Variants in PRDX6 observed in about 807,000 individuals in gnomAD.
PRDX6 encodes peroxiredoxin 6.
A neutral mutation model predicts 20.0 loss-of-function variants in PRDX6; 13 were observed. The observed-to-expected ratio is 0.65, with a 90% CI of 0.42 to 1.03. The LOEUF (loss-of-function observed/expected upper bound fraction) is 1.03. Ranked by LOEUF, PRDX6 falls within the 50% of genes least tolerant of loss-of-function variation. The pLI is 0.00. For synonymous variants in PRDX6, 85 were observed against 100.8 expected, an observed-to-expected ratio of 0.84 and a Z score of 0.94; for missense variants, 203 against 276.9, an observed-to-expected ratio of 0.73 and a Z score of 1.89.
intron 1 of PRDX6, among the ~76,000 whole-genome samples, chr1:173,477,886 C>T (rs191057822): frequency 8.1e-4 from 123 of 152,314 alleles, no homozygotes; most frequent in Admixed American, 2.0e-3. Context: ...CGTGGTCAGG[C>T]CGAGGGCGCA....
At chr1:173,485,727 T>A (rs1658885262) in intron 3 of PRDX6, among the ~76,000 whole-genome samples, 1 of 152,234 alleles carries the variant, frequency 6.6e-6, no homozygotes, top group East Asian at 1.9e-4. Flanking sequence ...AAAAAAAAGT[T>A]GTTTATCCTA....
chr1:173,481,271 G>A, intron 1 of PRDX6, 55 bp from the exon 2 acceptor site: 1 of 1,507,494 alleles, frequency 6.6e-7, no homozygotes, highest in South Asian at 1.2e-5. Context: ...TTCATTCTCT[G>A]TGATGTTGGT....
At chr1:173,479,078 G>C (rs1017039223) in intron 1 of PRDX6, among the ~76,000 whole-genome samples, 14 of 152,102 alleles carry the variant, frequency 9.2e-5, no homozygotes, top group Non-Finnish European at 1.9e-4. Flanking sequence ...CTCTTAGCTT[G>C]TATAGATTAA....
intron 1 of PRDX6, among the ~76,000 whole-genome samples, chr1:173,478,789 C>G (rs1658752217): frequency 6.6e-6 from 1 of 152,128 alleles, no homozygotes; most frequent in African/African-American, 2.4e-5. Flanking sequence ...CCTATCCAAC[C>G]CTTTATAACC....
chr1:173,479,671 T>G (rs1658769874), intron 1 of PRDX6, among the ~76,000 whole-genome samples: 1 of 152,150 alleles, frequency 6.6e-6, no homozygotes, highest in South Asian at 2.1e-4. Context: ...CTTTTGTCTT[T>G]TGAAAATGGG....
intron 2 of PRDX6, among the ~76,000 whole-genome samples, chr1:173,484,138 T>TA (rs1269688818): frequency 0.12 from 10,705 of 86,466 alleles, 1,634 homozygotes; most frequent in East Asian, 0.39. Context: ...AAAAAAAAAA[T>TA]TAGATATATA....
chr1:173,484,139 TAG>T (rs1658854020), intron 2 of PRDX6, among the ~76,000 whole-genome samples: 3 of 61,840 alleles, frequency 4.9e-5, no homozygotes, highest in African/African-American at 3.1e-4. Context: ...AAAAAAAAAT[TAG>T]ATATATATAT....
chr1:173,477,484 G>A lies in PRDX6; in HGVS notation c.87G>A (p.Leu29=), dbSNP rs1268601009. The change falls in exon 1 of 5, where the codon CTG becomes CTA. Residue 29 remains leucine (L), a synonymous_variant. Transcript: ENST00000340385. Reference sequence around the variant, plus strand: ...GCCGCATCCGTTTCCACGACTTTCTGGGAGACTCGTAAGTGGCCACCGCGT... The same window carrying A: ...GCCGCATCCGTTTCCACGACTTTCTAGGAGACTCGTAAGTGGCCACCGCGT... ...TVGRIRFHDF[L]GDSWGILFSH... 6.2e-7 allele frequency: 1 copy of A among 1,602,920 alleles called. No homozygotes were observed.
chr1:173,485,639 C>A, intron 3 of PRDX6, 132 bp downstream of exon 3: 2 of 833,056 alleles, frequency 2.4e-6, no homozygotes, highest in East Asian at 3.0e-5. Flanking sequence ...GCGACAATAT[C>A]ACTGATTATC....
intron 2 of PRDX6, among the ~76,000 whole-genome samples, chr1:173,482,697 G>C (rs376917344): frequency 6.6e-6 from 1 of 152,108 alleles, no homozygotes; most frequent in East Asian, 1.9e-4. Context: ...GTGAGTTAGG[G>C]GTCTGTGGCT....
At chr1:173,487,537 T>C (rs1181520976) in intron 4 of PRDX6, among the ~76,000 whole-genome samples, 198 bp from the exon 5 acceptor site, 1 of 152,190 alleles carries the variant, frequency 6.6e-6, no homozygotes, top group African/African-American at 2.4e-5. Flanking sequence ...GGACTGTTTC[T>C]TGTTAAGATG....
rs1364897946 is a variant in PRDX6 at position 173,483,264 on chromosome 1, A to G, written c.252+1782A>G. On this transcript the variant is annotated intron_variant, in intron 2 of 4. Coordinates refer to ENST00000340385, the MANE Select transcript of PRDX6 (RefSeq NM_004905.3). The stretch of plus-strand genomic sequence containing the variant: ...AGAATTGTGATTACATTGAATAGGA[A>G]AAAAGTCTGAACTATCAGAAGCAGT... 2.0e-5 allele frequency among the ~76,000 whole-genome samples: 3 copies of G among 152,232 alleles called. No homozygotes were observed. In the East Asian group the frequency reaches 5.8e-4, roughly 29 times the overall value.
rs143868478 is a variant in PRDX6, at chr1:173,484,261, A to G, written c.253-1100A>G. On this transcript the variant is annotated intron_variant, in intron 2 of 4. Transcript: ENST00000340385. ...TATATATATGTGTGTGTGCATATAT[A>G]TATATAGTTCCTGATTCCTAGAATG... 8.8e-3 allele frequency among the ~76,000 whole-genome samples: 1,314 copies of G among 150,070 alleles called. 19 individuals carry two copies. The highest frequency in any genetic ancestry group is 0.03 in the African/African-American group (1,207 of 40,824).
rs1202130539 is a variant in PRDX6, at chr1:173,484,046, T to G, written c.253-1315T>G. ...TGAACCTGGGAGGCGGAGGTTGCAG[T>G]GAGCCAAGGTTGCGGTGAGCCAAGT... On this transcript the variant is annotated intron_variant, in intron 2 of 4. Transcript: ENST00000340385. Among the ~76,000 whole-genome samples the G allele has an allele frequency of 2.1e-5, 3 of 145,210 alleles. No homozygotes were observed. In the South Asian group the frequency reaches 6.5e-4, roughly 31 times the overall value.
chr1:173,480,150 TA>T (rs999758761), intron 1 of PRDX6, among the ~76,000 whole-genome samples: 9 of 151,548 alleles, frequency 5.9e-5, no homozygotes, highest in Admixed American at 6.6e-5. Flanking sequence ...TCCACAATCT[TA>T]AAAAAAAATA....
At position 173,481,202 on chromosome 1, in the gene PRDX6, A is replaced by G; in HGVS notation, c.96-124A>G. On this transcript the variant is annotated intron_variant, in intron 1 of 4. Transcript: ENST00000340385. Reference sequence around the variant, plus strand: ...TCAACAGAAAAGCTTAAAAGTAAATATCATCATAAGCATTCATTTAAAAAA... The same window carrying G: ...TCAACAGAAAAGCTTAAAAGTAAATGTCATCATAAGCATTCATTTAAAAAA... 3.1e-6 allele frequency: 3 copies of G among 963,364 alleles called. 1 individual carries two copies. In the South Asian group the frequency reaches 5.0e-5, roughly 16 times the overall value. The allele number at this position is 963,364 out of a possible 1,614,324, so 59.7% of individuals were successfully genotyped here.
At chr1:173,482,326 C>T (rs1219131492) in intron 2 of PRDX6, among the ~76,000 whole-genome samples, 1 of 152,172 alleles carries the variant, frequency 6.6e-6, no homozygotes, top group Non-Finnish European at 1.5e-5. Flanking sequence ...TTTTCACGTT[C>T]ACCATCCCCT....
chr1:173,488,048 A>T lies in PRDX6; in HGVS notation c.*185A>T. ...GAGATTCTTTATACTCTCTGCCTTC[A>T]GCAATCAATTCCATTCATACATCAG... On this transcript the variant is annotated 3_prime_UTR_variant, in exon 5 of 5. Transcript: ENST00000340385. 1 of 636,620 alleles carries T rather than the reference A, an allele frequency of 1.6e-6. No homozygotes were observed. The highest frequency in any genetic ancestry group is 2.6e-6 in the Non-Finnish European group (1 of 379,260). The allele number at this position is 636,620 out of a possible 1,614,324, so 39.4% of individuals were successfully genotyped here.
intron 4 of PRDX6, 111 bp from the exon 5 acceptor site, chr1:173,487,624 C>T (rs535609624): frequency 1.2e-3 from 1,423 of 1,231,768 alleles, no homozygotes; most frequent in Non-Finnish European, 1.5e-3. Flanking sequence ...GAGTAAAGAA[C>T]ACTTGATTAG....
Sources: allele counts gnomAD v4.1 joint callset (sites outside exome capture counted in the v4.1 genomes callset), GRCh38; gene constraint gnomAD v4.1.1; transcripts MANE v1.5; gene names NCBI Gene and HGNC (gene_info 2026-07-23, HGNC 2026-07-21).